Variants in SCARA3 observed in about 807,000 individuals in gnomAD.
The protein encoded by SCARA3 is scavenger receptor class A member 3.
SCARA3 carries 39 observed loss-of-function variants against 47.0 expected under a neutral mutation model. The ratio of observed to expected loss-of-function variants is 0.83; its 90% CI spans 0.64 to 1.08. The LOEUF is 1.08. SCARA3 is among the 50% of genes least tolerant of loss of function. The pLI is 0.00. For missense variants in SCARA3, 724 were observed against 792.3 expected (o/e 0.91, Z 1.04); for synonymous variants, 356 against 334.1 (o/e 1.07, Z -0.71).
the SCARA3 span, among the ~76,000 whole-genome samples, chr8:27,709,172 G>A: frequency 6.6e-6 from 1 of 152,228 alleles, no homozygotes; most frequent in Non-Finnish European, 1.5e-5. Flanking sequence ...AAGGAATCAG[G>A]CAGGCGCATT....
intron 3 of SCARA3, 137 bp downstream of exon 3, chr8:27,651,764 A>T: frequency 8.2e-7 from 1 of 1,219,176 alleles, no homozygotes; most frequent in Non-Finnish European, 1.1e-6. Context: ...TGGCTAGGGG[A>T]TCTCTATGCC....
chr8:27,642,321 G>A (rs1801399397), intron 1 of SCARA3, among the ~76,000 whole-genome samples: 1 of 152,158 alleles, frequency 6.6e-6, no homozygotes, highest in Non-Finnish European at 1.5e-5. Context: ...TAATAAAAGT[G>A]GCTGCTACTA....
intron 3 of SCARA3, among the ~76,000 whole-genome samples, chr8:27,654,802 A>T: frequency 1.5e-5 from 1 of 67,072 alleles, no homozygotes; most frequent in East Asian, 6.6e-4. Context: ...AAAAAAAAAA[A>T]GAAAAAGAAA....
At chr8:27,676,581 T>A, downstream of SCARA3, 1 of 1,595,754 alleles carries the variant, frequency 6.3e-7, no homozygotes, top group Non-Finnish European at 8.6e-7. Context: ...CACACTTTGT[T>A]TTCACATAAT....
chr8:27,708,672 T>C, the SCARA3 span, among the ~76,000 whole-genome samples: 2 of 152,304 alleles, frequency 1.3e-5, no homozygotes, highest in African/African-American at 4.8e-5. Context: ...ATGAGACAGA[T>C]AATAACTTCT....
At chr8:27,715,869 G>C in the SCARA3 span, among the ~76,000 whole-genome samples, 2 of 138,584 alleles carry the variant, frequency 1.4e-5, no homozygotes, top group Non-Finnish European at 3.2e-5. The surrounding 1 kb of genome is among the most constrained non-coding windows in gnomAD (Gnocchi z 4.2). Flanking sequence ...TAGATACATA[G>C]ATAGATAGAT....
At chr8:27,677,102 C>G (rs1427377457), downstream of SCARA3, among the ~76,000 whole-genome samples, 1 of 152,132 alleles carries the variant, frequency 6.6e-6, no homozygotes, top group African/African-American at 2.4e-5. Context: ...AGGCAGTTTG[C>G]GGATCCCACT....
At chr8:27,638,264 A>T (rs1563398871) in intron 1 of SCARA3, among the ~76,000 whole-genome samples, 1 of 151,734 alleles carries the variant, frequency 6.6e-6, no homozygotes, top group Non-Finnish European at 1.5e-5. Context: ...ATAGCTGGGC[A>T]TGGCTCTCAT....
At chr8:27,679,209 T>TTACC (rs1256614421), downstream of SCARA3, among the ~76,000 whole-genome samples, 1 of 151,798 alleles carries the variant, frequency 6.6e-6, no homozygotes, top group African/African-American at 2.4e-5. Flanking sequence ...ATATACTTAC[T>TTACC]TACTTACTAA....
intron 5 of SCARA3, among the ~76,000 whole-genome samples, chr8:27,661,457 A>G (rs1314233412): frequency 6.6e-6 from 1 of 152,232 alleles, no homozygotes; most frequent in Non-Finnish European, 1.5e-5. Context: ...TATTTGTGCT[A>G]TAGAGGAGAT....
chr8:27,717,334 CA>C, the SCARA3 span, among the ~76,000 whole-genome samples: 4,467 of 152,176 alleles, frequency 0.029, 236 homozygotes, highest in African/African-American at 0.1. Context: ...ATGCTGATAT[CA>C]ATAAACATGA....
At chr8:27,717,754 C>T in the SCARA3 span, among the ~76,000 whole-genome samples, 1 of 152,096 alleles carries the variant, frequency 6.6e-6, no homozygotes, top group Non-Finnish European at 1.5e-5. Context: ...CACTGCACTC[C>T]AGCCTGGGAG....
chr8:27,636,944 C>T (rs1466613098), intron 1 of SCARA3, among the ~76,000 whole-genome samples: 1 of 152,214 alleles, frequency 6.6e-6, no homozygotes, highest in Non-Finnish European at 1.5e-5. Context: ...AAGTGCCCGG[C>T]AGAGTAGGGC....
the SCARA3 span, among the ~76,000 whole-genome samples, chr8:27,729,320 C>G: frequency 6.6e-6 from 1 of 152,228 alleles, no homozygotes; most frequent in Non-Finnish European, 1.5e-5. Flanking sequence ...TATGTGCTCT[C>G]TGGCTCATCC....
chr8:27,636,696 G>A (rs1219604435), intron 1 of SCARA3, among the ~76,000 whole-genome samples: 1 of 152,122 alleles, frequency 6.6e-6, no homozygotes, highest in East Asian at 1.9e-4. Context: ...CCCTGAGGGC[G>A]GCGCTGGTGT....
the SCARA3 span, among the ~76,000 whole-genome samples, chr8:27,704,751 A>ATC: frequency 3.7e-3 from 530 of 142,214 alleles, 3 homozygotes; most frequent in African/African-American, 0.013. Flanking sequence ...CTAGGATTCC[A>ATC]TCACACACAC....
chr8:27,642,969 T>G (rs1012413536), intron 1 of SCARA3, among the ~76,000 whole-genome samples: 1 of 152,090 alleles, frequency 6.6e-6, no homozygotes, highest in Non-Finnish European at 1.5e-5. Flanking sequence ...GGGGAGTCTG[T>G]TGCATTGAGT....
intron 1 of SCARA3, among the ~76,000 whole-genome samples, chr8:27,637,453 G>A (rs918654145): frequency 5.3e-5 from 8 of 152,208 alleles, no homozygotes; most frequent in Admixed American, 1.3e-4. Context: ...GCACCGTGAA[G>A]ACTGATTTGA....
At chr8:27,725,240 C>T in the SCARA3 span, among the ~76,000 whole-genome samples, 2 of 152,112 alleles carry the variant, frequency 1.3e-5, no homozygotes, top group East Asian at 3.9e-4. Flanking sequence ...GAAGAAGAAG[C>T]AGATGATTAT....
Sources: allele counts gnomAD v4.1 joint callset (sites outside exome capture counted in the v4.1 genomes callset), GRCh38; gene constraint gnomAD v4.1.1; non-coding constraint Gnocchi (gnomAD v3.1); transcripts MANE v1.5; gene names NCBI Gene and HGNC (gene_info 2026-07-23, HGNC 2026-07-21).